The following MYPN variants were observed in gnomAD, a reference collection of about 807,000 sequenced individuals.
The protein encoded by MYPN is sarcomeric protein myopalladin, 145 kDa (MYOP).
A neutral mutation model predicts 129.4 loss-of-function variants in MYPN; 63 were observed. That is an observed-to-expected ratio of 0.49 (90% confidence interval 0.40 to 0.60). The LOEUF (loss-of-function observed/expected upper bound fraction) is 0.60, where lower values mean the gene tolerates loss of function less well. MYPN is among the 20% of genes least tolerant of loss of function. The pLI is 0.00. For synonymous variants in MYPN, 629 were observed against 600.9 expected (o/e 1.05, Z -0.68); for missense variants, 1,596 against 1,635.4 (o/e 0.98, Z 0.42).
At chr10:68,122,526 C>T (rs1200812215) in intron 2 of MYPN, among the ~76,000 whole-genome samples, 186 bp downstream of exon 2, 1 of 152,180 alleles carries the variant, frequency 6.6e-6, no homozygotes, top group Non-Finnish European at 1.5e-5. Context: ...TTTAATTTCT[C>T]TAGTAGCTAC....
At chr10:68,153,039 G>T (rs2042803792) in intron 6 of MYPN, among the ~76,000 whole-genome samples, 1 of 151,524 alleles carries the variant, frequency 6.6e-6, no homozygotes, top group African/African-American at 2.4e-5. Context: ...AAGCTGGAGT[G>T]CAGTGGCATG....
intron 6 of MYPN, among the ~76,000 whole-genome samples, chr10:68,153,191 G>T (rs764019752): frequency 1.3e-5 from 2 of 151,298 alleles, no homozygotes; most frequent in Non-Finnish European, 2.9e-5. Context: ...TCACCATGTT[G>T]CCCTGGCTGG....
At chr10:68,140,235 T>C (rs1221972987) in intron 2 of MYPN, among the ~76,000 whole-genome samples, 3 of 151,982 alleles carry the variant, frequency 2.0e-5, no homozygotes, top group Non-Finnish European at 4.4e-5. Context: ...TGATGGGAGA[T>C]GGGGTCCAGA....
rs2042715093 is a variant in MYPN at position 68,148,787 on chromosome 10, TA to T, written c.1245+324del. The stretch of plus-strand genomic sequence containing the variant: ...GGCCTAGAACAAACACTCTATATCA[TA>T]AAACCTGATTAGTTTCATGGAGCTG... On this transcript the variant is annotated intron_variant, in intron 5 of 19. Transcript: ENST00000358913. Among the ~76,000 whole-genome samples the T allele has an allele frequency of 3.3e-5, 5 of 152,220 alleles. No homozygotes were observed. In the South Asian group the frequency reaches 6.2e-4, roughly 19 times the overall value.
rs191861444 is a variant in MYPN, at chr10:68,089,546, C to T, written c.-2+1554C>T. Among the ~76,000 whole-genome samples, 129 of 152,148 alleles carry T rather than the reference C, an allele frequency of 8.5e-4. 2 individuals carry two copies. Among genetic ancestry groups the T allele is most frequent in the African/African-American group, 3.0e-3 (123 of 41,490 alleles). ...ATTTTTAGTAGAGATGGGGTTTCAC[C>T]GTGTTAGCCAGGCTGGTCTCGATCT... On this transcript the variant is annotated intron_variant, in intron 1 of 6. Coordinates refer to the MYPN transcript ENST00000685154.
intron 1 of MYPN, among the ~76,000 whole-genome samples, chr10:68,099,952 G>A (rs989829152): frequency 2.6e-5 from 4 of 152,094 alleles, no homozygotes; most frequent in African/African-American, 4.8e-5. Flanking sequence ...GCTGGGCTTC[G>A]GCGTTGTATG....
At chr10:68,160,484 G>T (rs1032394401) in intron 7 of MYPN, among the ~76,000 whole-genome samples, 1 of 149,186 alleles carries the variant, frequency 6.7e-6, no homozygotes, top group Non-Finnish European at 1.5e-5. Flanking sequence ...AACTTCAATG[G>T]GTCTACCAGT....
In MYPN at chr10:68,194,449, G is replaced by A; in HGVS notation, c.3012G>A (p.Leu1004=). The change falls in exon 14 of 20, where the codon CTG becomes CTA. Residue 1004 remains leucine (L), a synonymous_variant. Transcript: ENST00000358913. ...GAGAAGGAGATGGGACATGCTCTCTGCACATTGAATCCACTACCAGTGATG... is the reference window on the plus strand; with the variant it reads ...GAGAAGGAGATGGGACATGCTCTCTACACATTGAATCCACTACCAGTGATG... The part of the protein sequence containing the change: ...MRREGDGTCS[L]HIESTTSDDD... 1 of 1,613,906 alleles carries A rather than the reference G, an allele frequency of 6.2e-7. No individual in the cohort carries two copies. Among genetic ancestry groups the A allele is most frequent in the Admixed American group, 1.7e-5 (1 of 59,998 alleles).
At chr10:68,149,481 G>C (rs957336824) in intron 5 of MYPN, among the ~76,000 whole-genome samples, 1 of 151,254 alleles carries the variant, frequency 6.6e-6, no homozygotes, top group Non-Finnish European at 1.5e-5. Flanking sequence ...AAAATTATTT[G>C]TAGAGACGAG....
intron 19 of MYPN, 76 bp downstream of exon 19, chr10:68,206,979 C>T: frequency 3.8e-6 from 6 of 1,562,908 alleles, no homozygotes; most frequent in Non-Finnish European, 4.4e-6. Flanking sequence ...ATAAATGGGT[C>T]AGGCAAGGTG....
Position 68,146,562 on chromosome 10 carries a change from CAAAT to C in MYPN, c.1130+1037_1130+1040del, listed in dbSNP as rs539010542. Among the ~76,000 whole-genome samples, 21 of 152,268 alleles carry C rather than the reference CAAAT, an allele frequency of 1.4e-4. No individual in the cohort carries two copies. The South Asian group carries it at 3.9e-3, about 29-fold the overall frequency. On this transcript the variant is annotated intron_variant, in intron 4 of 19. Transcript: ENST00000358913. ...GCCTCCGTTGTGTATCATAGAGACT[CAAAT>C]TAACTGTGACTTAAATGAAACAGAT...
At position 68,136,895 on chromosome 10, in the gene MYPN, C is replaced by T. The variant is rs78068547; in HGVS notation, c.903-6045C>T. The stretch of plus-strand genomic sequence containing the variant: ...ATTAAAGAACAGACCATTTTCAACT[C>T]TTTTTTGCAATTTTCTGTTTATTTA... On this transcript the variant is annotated intron_variant, in intron 2 of 19. Coordinates refer to ENST00000358913, the MANE Select transcript of MYPN (RefSeq NM_032578.4). Among the ~76,000 whole-genome samples, 2,769 of 152,212 alleles carry T rather than the reference C, an allele frequency of 0.018. 198 individuals are homozygous for T. In the East Asian group the frequency reaches 0.21, roughly 12 times the overall value.
intron 2 of MYPN, among the ~76,000 whole-genome samples, chr10:68,134,362 A>G (rs561784600): frequency 2.0e-5 from 3 of 152,336 alleles, no homozygotes; most frequent in Non-Finnish European, 4.4e-5. Flanking sequence ...ACTATCAGAC[A>G]AAGAAAAAGA....
upstream of MYPN, among the ~76,000 whole-genome samples, chr10:68,104,520 C>T (rs2041997822): frequency 6.6e-6 from 1 of 152,164 alleles, no homozygotes; most frequent in Admixed American, 6.5e-5. Flanking sequence ...TCATAGCATT[C>T]TGACTGCTTC....
chr10:68,137,252 C>A (rs941665148), intron 2 of MYPN, among the ~76,000 whole-genome samples: 4 of 152,148 alleles, frequency 2.6e-5, no homozygotes, highest in Non-Finnish European at 2.9e-5. Context: ...CAGCTGGATC[C>A]TCACATTGGC....
intron 5 of MYPN, among the ~76,000 whole-genome samples, chr10:68,149,486 G>A (rs1422376257): frequency 6.6e-6 from 1 of 151,504 alleles, no homozygotes; most frequent in Non-Finnish European, 1.5e-5. Flanking sequence ...TATTTGTAGA[G>A]ACGAGATCTC....
At chr10:68,103,163 C>T (rs1372698503), upstream of MYPN, among the ~76,000 whole-genome samples, 2 of 152,202 alleles carry the variant, frequency 1.3e-5, no homozygotes, top group Admixed American at 6.5e-5. Flanking sequence ...AAATGCCAGA[C>T]ATATAGATTC....
chr10:68,175,417 T>A lies in MYPN; in HGVS notation c.2659T>A (p.Leu887Met). 1 of 1,614,168 alleles carries A rather than the reference T, an allele frequency of 6.2e-7. No homozygotes were observed. The highest frequency in any genetic ancestry group is 1.3e-5 in the African/African-American group (1 of 75,052). ...RETKNAVIRDLGKKITFSDVR... is the reference protein window; with the variant it reads ...RETKNAVIRDMGKKITFSDVR... ...AACTAAGAACGCAGTGATTCGAGAC[T>A]TGGGGAAAAAAATAACTTTCAGTGA... The change falls in exon 12 of 20, where the codon TTG (leucine) becomes ATG (methionine). Residue 887 changes from leucine to methionine, a missense_variant. By Grantham distance (15) the Leu-to-Met change is conservative. Transcript: ENST00000358913.
intron 15 of MYPN, among the ~76,000 whole-genome samples, chr10:68,196,483 CT>C (rs71009021): frequency 8.6e-4 from 97 of 112,498 alleles, no homozygotes; most frequent in East Asian, 1.6e-3. Flanking sequence ...CCTTCTTCTT[CT>C]TTTTTTTTTT....
Sources: allele counts gnomAD v4.1 joint callset (sites outside exome capture counted in the v4.1 genomes callset), GRCh38; gene constraint gnomAD v4.1.1; transcripts MANE v1.5; gene names NCBI Gene and HGNC (gene_info 2026-07-23, HGNC 2026-07-21).